The following SLC6A7 variants were observed in gnomAD, a reference collection of about 807,000 sequenced individuals.
The protein encoded by SLC6A7 is sodium-dependent proline transporter.
In SLC6A7, 58 loss-of-function variants were observed where a neutral mutation model predicts 73.1. The ratio of observed to expected loss-of-function variants is 0.79; its 90% CI spans 0.64 to 0.99. The LOEUF is 0.99. Ranked by LOEUF, SLC6A7 falls within the 50% of genes least tolerant of loss-of-function variation. The pLI, the probability that SLC6A7 is intolerant of heterozygous loss-of-function variation, is 0.00. For missense variants in SLC6A7, 783 were observed against 831.4 expected (o/e 0.94, Z 0.72); for synonymous variants, 338 against 338.7 (o/e 1.00, Z 0.02).
At position 150,204,791 on chromosome 5, in the gene SLC6A7, C is replaced by T. The variant is rs143554140; in HGVS notation, c.1433-36C>T. On this transcript the variant is annotated intron_variant, in intron 11 of 13. Transcript: ENST00000230671. ...GGGCTGCTGGCGTTTGTGGGGCCGG[C>T]GGGTGGGGCCATTCCTCCTCCCCTC... 3,012 of 1,469,910 alleles carry T rather than the reference C, an allele frequency of 2.0e-3. 62 individuals are homozygous for T. The South Asian group carries it at 0.029, about 14-fold the overall frequency. The allele number at this position is 1,469,910 out of a possible 1,614,324, so 91.1% of individuals were successfully genotyped here. A position where few individuals can be genotyped will look rare whatever the true frequency, so the allele number is the denominator to read the frequency against.
chr5:150,209,260 T>C (rs1753844856), intron 13 of SLC6A7, 146 bp from the exon 14 acceptor site: 4 of 678,506 alleles, frequency 5.9e-6, no homozygotes, highest in African/African-American at 5.3e-5. Context: ...GGGGAAGTCA[T>C]AGTGCCCCCC....
In SLC6A7 at chr5:150,194,803, C is replaced by G; in HGVS notation, c.109C>G (p.Arg37Gly). 2 of 1,614,058 alleles carry G rather than the reference C, an allele frequency of 1.2e-6. No homozygotes were observed. Among genetic ancestry groups the G allele is most frequent in the Non-Finnish European group, 1.7e-6 (2 of 1,179,974 alleles). ...CCTGGATGTGGACTTTGCTGCACAC[C>G]GGGGGAACTGGACAGGCAAGCTGGA... ...VDLDVDFAAH[R>G]GNWTGKLDFL... The change falls in exon 2 of 14, where the codon CGG becomes GGG. Residue 37 changes from arginine (R) to glycine (G), a missense_variant. By Grantham distance (125) the Arg-to-Gly change is moderately radical (BLOSUM62 -2). Coordinates refer to ENST00000230671, the MANE Select transcript of SLC6A7 (RefSeq NM_014228.5).
chr5:150,202,105 T>C (rs1753412556), intron 6 of SLC6A7, among the ~76,000 whole-genome samples: 1 of 152,186 alleles, frequency 6.6e-6, no homozygotes, highest in African/African-American at 2.4e-5. Context: ...TTAGAGACCA[T>C]CTTCTAGATC....
At chr5:150,199,080 A>C in intron 4 of SLC6A7, 148 bp from the exon 5 acceptor site, 2 of 1,069,258 alleles carry the variant, frequency 1.9e-6, no homozygotes, top group South Asian at 2.4e-5. Flanking sequence ...CTCCTGGGTC[A>C]GAGTTGGTCG....
intron 4 of SLC6A7, among the ~76,000 whole-genome samples, chr5:150,198,565 A>G (rs919421027): frequency 5.3e-5 from 8 of 152,206 alleles, no homozygotes; most frequent in African/African-American, 1.9e-4. Flanking sequence ...GCCACAGCCC[A>G]CTGCATCAGT....
chr5:150,205,268 A>G (rs2342280), intron 12 of SLC6A7, among the ~76,000 whole-genome samples, 188 bp from the exon 13 acceptor site: 152,282 of 152,292 alleles, frequency 1, 76,136 homozygotes, highest in Middle Eastern at 1. Flanking sequence ...GGTCAGCTTC[A>G]AGATGGGCTG....
chr5:150,209,722 G>A lies in SLC6A7; in HGVS notation c.*107G>A, dbSNP rs1753880257. The A allele has an allele frequency of 1.1e-6, 1 of 946,590 alleles. No individual in the cohort carries two copies. Among genetic ancestry groups the A allele is most frequent in the Non-Finnish European group, 1.6e-6 (1 of 612,968 alleles). 58.6% of individuals were successfully genotyped at this position (946,590 alleles called of 1,614,324 possible). A position where few individuals can be genotyped will look rare whatever the true frequency, so the allele number is the denominator to read the frequency against. ...CTGGGATTCTGAGAGGCTATGGGGG[G>A]GCCTGCCATAGGGATGCCAGTCCCC... On this transcript the variant is annotated 3_prime_UTR_variant, in exon 14 of 14. Coordinates refer to ENST00000230671, the MANE Select transcript of SLC6A7 (RefSeq NM_014228.5).
chr5:150,205,335 A>T, intron 12 of SLC6A7, 121 bp from the exon 13 acceptor site: 1 of 766,094 alleles, frequency 1.3e-6, no homozygotes, highest in Admixed American at 2.8e-5. Context: ...ACAGCTTAGG[A>T]TCCTGGGTAG....
chr5:150,205,407 G>GA lies in SLC6A7; in HGVS notation c.1534-49_1534-48insA, dbSNP rs1045721322. On this transcript the variant is annotated intron_variant, in intron 12 of 13. Transcript: ENST00000230671. ...TAGGCTGGGCTACCTCGGGCCTTAA[G>GA]CAGTTTAGACAAAAGCCCGCAGTGA... 3.6e-6 allele frequency: 5 copies of GA among 1,374,704 alleles called. No homozygotes were observed. In the African/African-American group the frequency reaches 1.3e-4, roughly 35 times the overall value. The allele number at this position is 1,374,704 out of a possible 1,614,324, so 85.2% of individuals were successfully genotyped here. A position where few individuals can be genotyped will look rare whatever the true frequency, so the allele number is the denominator to read the frequency against.
At chr5:150,207,522 C>A (rs1165900669) in intron 13 of SLC6A7, among the ~76,000 whole-genome samples, 1 of 152,164 alleles carries the variant, frequency 6.6e-6, no homozygotes. Context: ...GATTAAGTGT[C>A]TTTGTCTTTA....
Position 150,194,922 on chromosome 5 carries a change from G to A in SLC6A7, c.217+11G>A. ...ACACCAATGGAGGAGGTATGGGCCT[G>A]AGGTCCTGTCGGAGGGTGTCTGGGG... On this transcript the variant is annotated intron_variant, in intron 2 of 13. Coordinates refer to ENST00000230671, the MANE Select transcript of SLC6A7 (RefSeq NM_014228.5). The A allele has an allele frequency of 1.9e-6, 3 of 1,610,386 alleles. No individual in the cohort carries two copies. Among genetic ancestry groups the A allele is most frequent in the Non-Finnish European group, 2.5e-6 (3 of 1,177,006 alleles).
chr5:150,204,992 G>A, intron 12 of SLC6A7, 65 bp downstream of exon 12: 5 of 1,051,614 alleles, frequency 4.8e-6, no homozygotes, highest in Middle Eastern at 2.8e-4. Flanking sequence ...AGTCCCCTCT[G>A]CACGTTCAGT....
At chr5:150,205,028 T>C in intron 12 of SLC6A7, 101 bp downstream of exon 12, 1 of 696,270 alleles carries the variant, frequency 1.4e-6, no homozygotes, top group Admixed American at 2.4e-5. Context: ...TGGCCCGCAG[T>C]GGAGGGCTGT....
chr5:150,194,740 G>A lies in SLC6A7; in HGVS notation c.46G>A (p.Asp16Asn). 7.4e-6 allele frequency: 12 copies of A among 1,613,848 alleles called. No individual in the cohort carries two copies. Among genetic ancestry groups the A allele is most frequent in the Non-Finnish European group, 1.0e-5 (12 of 1,179,892 alleles). ...GAHLRKPVTP[D>N]LLMTPSDQGD... is the part of the protein sequence containing the mutation. ...CTCTCATTGGCAGCCTGTCACCCCA[G>A]ACCTGCTGATGACCCCCAGTGACCA... Residue 16 changes from aspartate (D) to asparagine (N), a missense_variant, in exon 2 of 14, where the codon GAC becomes AAC. By Grantham distance (23) the Asp-to-Asn change is conservative. Transcript: ENST00000230671.
At chr5:150,192,097 T>C (rs978367856) in intron 1 of SLC6A7, among the ~76,000 whole-genome samples, 5 of 151,624 alleles carry the variant, frequency 3.3e-5, no homozygotes, top group African/African-American at 1.2e-4. Flanking sequence ...TCAAGCAGAA[T>C]TGGGCGGGAA....
intron 6 of SLC6A7, among the ~76,000 whole-genome samples, chr5:150,201,906 G>A (rs1473719623): frequency 1.3e-5 from 2 of 152,260 alleles, no homozygotes; most frequent in East Asian, 3.9e-4. Flanking sequence ...GTTACAGATA[G>A]GGATCCTGCG....
intron 1 of SLC6A7, among the ~76,000 whole-genome samples, chr5:150,190,984 T>A (rs758590): frequency 6.6e-6 from 1 of 151,876 alleles, no homozygotes; most frequent in Non-Finnish European, 1.5e-5. Flanking sequence ...GGAGAGTGGC[T>A]GTGGGCCCAG....
chr5:150,191,983 G>T (rs967610758), intron 1 of SLC6A7, among the ~76,000 whole-genome samples: 2 of 151,928 alleles, frequency 1.3e-5, no homozygotes, highest in Non-Finnish European at 2.9e-5. Flanking sequence ...GCACAGAGGG[G>T]TGAGACTCAC....
At chr5:150,193,439 A>ATT (rs1323014129) in intron 1 of SLC6A7, among the ~76,000 whole-genome samples, 2 of 152,080 alleles carry the variant, frequency 1.3e-5, no homozygotes. Flanking sequence ...AATTCACAAA[A>ATT]TTCACCCAGC....
Sources: allele counts gnomAD v4.1 joint callset (sites outside exome capture counted in the v4.1 genomes callset), GRCh38; gene constraint gnomAD v4.1.1; transcripts MANE v1.5; gene names NCBI Gene and HGNC (gene_info 2026-07-23, HGNC 2026-07-21).